RYR2: variants seen among roughly 807,000 people sequenced by gnomAD.
RYR2 encodes the protein cardiac muscle ryanodine receptor-calcium release channel.
Under a neutral mutation model 601.1 loss-of-function variants are expected in RYR2, and 227 were observed. The observed-to-expected ratio is 0.38, with a 90% CI of 0.34 to 0.42. RYR2 has a LOEUF of 0.42. Ranked by LOEUF, RYR2 falls within the 10% of genes least tolerant of loss-of-function variation. RYR2 has a pLI of 1.00. For missense variants in RYR2, 4,646 were observed against 6,156.5 expected, an observed-to-expected ratio of 0.75 and a Z score of 8.21; for synonymous variants, 2,223 against 2,175.1, an observed-to-expected ratio of 1.02 and a Z score of -0.61.
At chr1:237,338,173 T>C (rs1170262432) in intron 3 of RYR2, among the ~76,000 whole-genome samples, 8 of 152,170 alleles carry the variant, frequency 5.3e-5, no homozygotes, top group Non-Finnish European at 1.0e-4. Flanking sequence ...TCGAGTAAGA[T>C]GTTATTGACA....
chr1:237,254,574 C>G (rs192067097), intron 1 of RYR2, among the ~76,000 whole-genome samples: 12 of 152,276 alleles, frequency 7.9e-5, no homozygotes, highest in African/African-American at 2.4e-4. Context: ...TTGAGAATGT[C>G]TACCACTTGT....
chr1:237,227,395 T>G (rs185464322), intron 1 of RYR2, among the ~76,000 whole-genome samples: 1 of 152,340 alleles, frequency 6.6e-6, no homozygotes, highest in African/African-American at 2.4e-5. Flanking sequence ...TAGTCTATGC[T>G]ACAGGGATGG....
chr1:237,328,804 T>C (rs1192638324), intron 2 of RYR2, among the ~76,000 whole-genome samples: 1 of 152,182 alleles, frequency 6.6e-6, no homozygotes, highest in Non-Finnish European at 1.5e-5. Context: ...ATGGTAGAGG[T>C]TCAATTTAAT....
intron 101 of RYR2, among the ~76,000 whole-genome samples, chr1:237,827,782 C>T (rs966168389): frequency 1.3e-5 from 2 of 151,408 alleles, no homozygotes; most frequent in Non-Finnish European, 1.5e-5. Flanking sequence ...CCTAAAAATA[C>T]AAAAATTAGC....
Position 237,550,631 on chromosome 1 carries a change from G to C in RYR2, c.3154G>C (p.Glu1052Gln). The C allele has an allele frequency of 6.3e-7, 1 of 1,587,762 alleles. No individual in the cohort carries two copies. Among genetic ancestry groups the C allele is most frequent in the Non-Finnish European group, 8.6e-7 (1 of 1,166,564 alleles). The change falls in exon 27 of 105, where the codon GAG (glutamate) becomes CAG (glutamine). Residue 1052 changes from glutamate to glutamine, a missense_variant. Coordinates refer to ENST00000366574, the MANE Select transcript of RYR2 (RefSeq NM_001035.3). Reference protein sequence around the residue: ...TKKSNKDSLREAVRTLLGYGY... With the variant: ...TKKSNKDSLRQAVRTLLGYGY... Reference sequence around the variant, plus strand: ...GAAATCCAACAAGGACAGCCTCCGCGAGGCTGTGCGCACGCTGCTGGGGTA... The same window carrying C: ...GAAATCCAACAAGGACAGCCTCCGCCAGGCTGTGCGCACGCTGCTGGGGTA...
intron 1 of RYR2, among the ~76,000 whole-genome samples, chr1:237,064,937 G>A (rs1054331471): frequency 3.3e-5 from 5 of 151,962 alleles, no homozygotes; most frequent in Non-Finnish European, 5.9e-5. Context: ...TTCAGTACCA[G>A]CGTCTCTATC....
chr1:237,597,409 G>C (rs1676012015), intron 34 of RYR2, among the ~76,000 whole-genome samples: 1 of 151,530 alleles, frequency 6.6e-6, no homozygotes, highest in South Asian at 2.1e-4. Flanking sequence ...AGCCTCCTGA[G>C]TAGCTGGGAT....
At chr1:237,206,292 C>T (rs1681807112) in intron 1 of RYR2, among the ~76,000 whole-genome samples, 1 of 152,150 alleles carries the variant, frequency 6.6e-6, no homozygotes, top group South Asian at 2.1e-4. Context: ...GCAGCCAGGT[C>T]CTGAATACCC....
intron 2 of RYR2, among the ~76,000 whole-genome samples, chr1:237,319,948 T>C (rs1695468492): frequency 6.6e-6 from 1 of 152,180 alleles, no homozygotes; most frequent in Non-Finnish European, 1.5e-5. Context: ...TGAGTTCCCT[T>C]TGACAAGGTG....
intron 1 of RYR2, among the ~76,000 whole-genome samples, chr1:237,198,881 C>T (rs566018935): frequency 2.0e-5 from 3 of 150,796 alleles, no homozygotes; most frequent in Admixed American, 6.6e-5. Context: ...ATAGTCCATG[C>T]GTGAATTAAG....
intron 27 of RYR2, among the ~76,000 whole-genome samples, chr1:237,556,269 AT>A (rs1424160962): frequency 7.8e-6 from 1 of 128,338 alleles, no homozygotes; most frequent in Non-Finnish European, 1.6e-5. Context: ...TCTCATTTCC[AT>A]TTTTTAAAAT....
chr1:237,220,729 A>G (rs948497238), intron 1 of RYR2, among the ~76,000 whole-genome samples: 2 of 152,182 alleles, frequency 1.3e-5, no homozygotes, highest in African/African-American at 4.8e-5. Context: ...TGTCAAATAC[A>G]TATTATTTTC....
At chr1:237,432,219 A>G (rs1450265618) in intron 12 of RYR2, among the ~76,000 whole-genome samples, 1 of 151,786 alleles carries the variant, frequency 6.6e-6, no homozygotes, top group Non-Finnish European at 1.5e-5. Context: ...TTAAAAAAAA[A>G]TGCCTTTTAC....
intron 1 of RYR2, among the ~76,000 whole-genome samples, chr1:237,065,417 T>A (rs886588367): frequency 2.7e-5 from 4 of 150,676 alleles, no homozygotes; most frequent in Non-Finnish European, 5.9e-5. Flanking sequence ...GTAGCTGGGA[T>A]TAGAGGCACC....
At chr1:237,548,404 A>T in intron 25 of RYR2, 27 bp from the exon 26 acceptor site, 1 of 1,610,032 alleles carries the variant, frequency 6.2e-7, no homozygotes, top group Non-Finnish European at 8.5e-7. Context: ...CCAATTATAC[A>T]CAAATTTCTT....
At chr1:237,164,916 A>T (rs1270004481) in intron 1 of RYR2, among the ~76,000 whole-genome samples, 1 of 152,044 alleles carries the variant, frequency 6.6e-6, no homozygotes, top group East Asian at 1.9e-4. Context: ...CCTGTGTAGG[A>T]ATATATTTCA....
At chr1:237,580,155 CTTTTTT>C (rs58145628) in intron 29 of RYR2, among the ~76,000 whole-genome samples, 1,296 of 116,638 alleles carry the variant, frequency 0.011, 31 homozygotes, top group African/African-American at 0.041. Flanking sequence ...CACAACAATT[CTTTTTT>C]TTTTTTTTTT....
At chr1:237,576,835 A>C (rs1673272751) in intron 29 of RYR2, among the ~76,000 whole-genome samples, 1 of 152,218 alleles carries the variant, frequency 6.6e-6, no homozygotes. Context: ...TAGAAGCAAC[A>C]ACTCAGAGGG....
chr1:237,057,194 C>CT lies in RYR2; in HGVS notation c.48+14635dup, dbSNP rs1228737599. Among the ~76,000 whole-genome samples, 31 of 149,364 alleles carry CT rather than the reference C, an allele frequency of 2.1e-4. No individual in the cohort carries two copies. In the South Asian group the frequency reaches 2.1e-3, roughly 10 times the overall value. ...CAGACGAAGGTGACTGAGGAAACTT[C>CT]TTTTTTTTTTGGACGGAATCTTGCT... On this transcript the variant is annotated intron_variant, in intron 1 of 104. Transcript: ENST00000366574.
Sources: allele counts gnomAD v4.1 joint callset (sites outside exome capture counted in the v4.1 genomes callset), GRCh38; gene constraint gnomAD v4.1.1; transcripts MANE v1.5; gene names NCBI Gene and HGNC (gene_info 2026-07-23, HGNC 2026-07-21).